Variants in WWC2 observed in about 807,000 individuals in gnomAD.
WWC2 encodes the protein protein WWC2.
WWC2 carries 101 observed loss-of-function variants against 138.5 expected under a neutral mutation model. That is an observed-to-expected ratio of 0.73 (90% confidence interval 0.62 to 0.86). WWC2 has a LOEUF of 0.86. Among genes scored for constraint, WWC2 ranks in the 40% least tolerant of loss-of-function variants. WWC2 has a pLI of 0.00. For synonymous variants in WWC2, 558 were observed against 538.4 expected (o/e 1.04, Z -0.50); for missense variants, 1,420 against 1,419.4 (o/e 1.00, Z -0.01).
intron 1 of WWC2, among the ~76,000 whole-genome samples, chr4:183,135,911 A>T (rs989660960): frequency 4.6e-5 from 7 of 152,132 alleles, no homozygotes; most frequent in Non-Finnish European, 8.8e-5. Flanking sequence ...TTGGTTTTTT[A>T]AAATCAGCTA....
chr4:183,267,861 C>G (rs1198613525), intron 14 of WWC2, among the ~76,000 whole-genome samples: 1 of 152,210 alleles, frequency 6.6e-6, no homozygotes, highest in Non-Finnish European at 1.5e-5. Context: ...AATAATGACA[C>G]TGCTAAACAT....
chr4:183,171,850 T>C (rs560167956), intron 1 of WWC2, among the ~76,000 whole-genome samples: 1 of 152,344 alleles, frequency 6.6e-6, no homozygotes, highest in African/African-American at 2.4e-5. Flanking sequence ...CCCGCCCTGG[T>C]TGAGGATTCA....
At chr4:183,247,745 A>G in intron 6 of WWC2, among the ~76,000 whole-genome samples, 2 of 141,446 alleles carry the variant, frequency 1.4e-5, no homozygotes, top group African/African-American at 5.2e-5. Flanking sequence ...TATACTATAT[A>G]TACTACATAA....
intron 22 of WWC2, 78 bp downstream of exon 22, chr4:183,312,546 G>C: frequency 6.3e-7 from 1 of 1,585,574 alleles, no homozygotes; most frequent in South Asian, 1.1e-5. Flanking sequence ...TCAGTGCAGT[G>C]AAAGTTAATA....
At chr4:183,264,647 C>G (rs1737433866) in intron 11 of WWC2, among the ~76,000 whole-genome samples, 1 of 152,070 alleles carries the variant, frequency 6.6e-6, no homozygotes, top group Admixed American at 6.6e-5. Context: ...ATTTCCTATT[C>G]CTGAATATAT....
At chr4:183,207,563 T>G (rs1326246782) in intron 2 of WWC2, among the ~76,000 whole-genome samples, 1 of 152,194 alleles carries the variant, frequency 6.6e-6, no homozygotes, top group East Asian at 1.9e-4. Flanking sequence ...TGATTAGTGC[T>G]GATGCAGAGG....
At chr4:183,226,076 T>G (rs1018632053) in intron 4 of WWC2, among the ~76,000 whole-genome samples, 1 of 143,490 alleles carries the variant, frequency 7.0e-6, no homozygotes, top group African/African-American at 2.7e-5. Flanking sequence ...TCTGTGAAAC[T>G]TTTCTTTTCT....
chr4:183,312,254 C>T, intron 21 of WWC2, 87 bp from the exon 22 acceptor site: 2 of 1,558,702 alleles, frequency 1.3e-6, no homozygotes, highest in Non-Finnish European at 1.7e-6. Context: ...TGACTTTAGT[C>T]CACAATCTTT....
In WWC2 at chr4:183,214,829, A is replaced by C. The variant is rs75380326; in HGVS notation, c.522+5804A>C. ...CTTTGGAGAATGTAAATTGCCGCAA[A>C]TATTCTCTCTTGACTAGACATGAGA... is the stretch of plus-strand genomic sequence containing the variant. On this transcript the variant is annotated intron_variant, in intron 4 of 22. Coordinates refer to ENST00000403733, the MANE Select transcript of WWC2 (RefSeq NM_024949.6). 5.1e-3 allele frequency among the ~76,000 whole-genome samples: 780 copies of C among 152,214 alleles called. 12 individuals are homozygous for C. Among genetic ancestry groups the C allele is most frequent in the African/African-American group, 0.018 (729 of 41,542 alleles).
At chr4:183,212,288 A>G (rs1560845778) in intron 4 of WWC2, among the ~76,000 whole-genome samples, 2 of 152,096 alleles carry the variant, frequency 1.3e-5, no homozygotes, top group African/African-American at 4.8e-5. Flanking sequence ...GGATTTCTTT[A>G]TTTATGAAGT....
Position 183,320,429 on chromosome 4 carries a change from A to C in WWC2, c.*4700A>C. On this transcript the variant is annotated 3_prime_UTR_variant, in exon 23 of 23. Coordinates refer to ENST00000403733, the MANE Select transcript of WWC2 (RefSeq NM_024949.6). ...AATAATGCCGCCAACCAGTAATGCC[A>C]AGGTGTGGCCAAGATTGTGTTTGTG... The C allele has an allele frequency of 1.7e-6, 1 of 598,368 alleles. No homozygotes were observed. The highest frequency in any genetic ancestry group is 3.0e-6 in the Non-Finnish European group (1 of 334,918). The allele number at this position is 598,368 out of a possible 1,614,324, so 37.1% of individuals were successfully genotyped here. A position where few individuals can be genotyped will look rare whatever the true frequency, so the allele number is the denominator to read the frequency against.
intron 1 of WWC2, among the ~76,000 whole-genome samples, chr4:183,165,264 C>G (rs1234416980): frequency 6.6e-6 from 1 of 152,088 alleles, no homozygotes; most frequent in African/African-American, 2.4e-5. Flanking sequence ...GGAAGGGCCT[C>G]TTGACTGGGG....
intron 1 of WWC2, among the ~76,000 whole-genome samples, chr4:183,109,453 A>G (rs113030749): frequency 3.3e-5 from 5 of 152,192 alleles, no homozygotes; most frequent in Non-Finnish European, 5.9e-5. Context: ...GTGGAAGACA[A>G]TTTTTCCACA....
intron 1 of WWC2, among the ~76,000 whole-genome samples, chr4:183,176,023 A>T (rs1734458844): frequency 6.6e-6 from 1 of 152,246 alleles, no homozygotes; most frequent in Non-Finnish European, 1.5e-5. Flanking sequence ...TTTGAGTCTA[A>T]GCTCAAAGGG....
chr4:183,242,121 C>A (rs1354208812), intron 5 of WWC2, among the ~76,000 whole-genome samples: 1 of 152,120 alleles, frequency 6.6e-6, no homozygotes, highest in East Asian at 1.9e-4. Context: ...ACATCAGAGA[C>A]CTCTCCTGTT....
Position 183,248,710 on chromosome 4 carries a change from A to G in WWC2, c.733-4A>G. On this transcript the variant is annotated splice_polypyrimidine_tract_variant and splice_region_variant and intron_variant, in intron 6 of 22. Coordinates refer to ENST00000403733, the MANE Select transcript of WWC2 (RefSeq NM_024949.6). ...TTATGAAACACTTTGTGTTTTCTGA[A>G]CAGAGTCTTGCTAAGCTGCAGGAGC... The G allele has an allele frequency of 6.3e-7, 1 of 1,589,206 alleles. No individual in the cohort carries two copies. Among genetic ancestry groups the G allele is most frequent in the Non-Finnish European group, 8.6e-7 (1 of 1,165,206 alleles).
At position 183,316,871 on chromosome 4, in the gene WWC2, A is replaced by T. The variant is rs899860156; in HGVS notation, c.*1142A>T. 1.3e-5 allele frequency: 2 copies of T among 152,186 alleles called. No individual in the cohort carries two copies. Among genetic ancestry groups the T allele is most frequent in the African/African-American group, 4.8e-5 (2 of 41,438 alleles). The allele number at this position is 152,186 out of a possible 1,614,324, so 9.4% of individuals were successfully genotyped here. A position where few individuals can be genotyped will look rare whatever the true frequency, so the allele number is the denominator to read the frequency against. On this transcript the variant is annotated 3_prime_UTR_variant, in exon 23 of 23. Coordinates refer to ENST00000403733, the MANE Select transcript of WWC2 (RefSeq NM_024949.6). ...GGGGGGATTATTAATTTGAAGTATA[A>T]GCTAAATTGTTTATTAAAAAGCCTA... is the stretch of plus-strand genomic sequence containing the variant.
In WWC2 at chr4:183,179,905, G is replaced by C. The variant is rs934884731; in HGVS notation, c.132-13694G>C. 2.0e-5 allele frequency among the ~76,000 whole-genome samples: 3 copies of C among 152,102 alleles called. No individual in the cohort carries two copies. In the South Asian group the frequency reaches 6.2e-4, roughly 32 times the overall value. On this transcript the variant is annotated intron_variant, in intron 1 of 22. Transcript: ENST00000403733. ...GAGATGAAACAACCGCTAGGAACTCGGTGAACTGAACAGAGAAGTCAACTA... is the reference window on the plus strand; with the variant it reads ...GAGATGAAACAACCGCTAGGAACTCCGTGAACTGAACAGAGAAGTCAACTA...
intron 1 of WWC2, among the ~76,000 whole-genome samples, chr4:183,155,046 A>G (rs907512350): frequency 7.9e-5 from 12 of 152,226 alleles, no homozygotes; most frequent in African/African-American, 2.9e-4. Flanking sequence ...AATAAAAACA[A>G]TGAGAGGAAG....
Sources: gnomAD v4.1 joint callset for allele counts (sites outside exome capture counted in the v4.1 genomes callset) on GRCh38, gnomAD v4.1.1 for gene constraint, MANE v1.5 for transcripts, NCBI Gene and HGNC (gene_info 2026-07-23, HGNC 2026-07-21) for gene names.